HACL1: variants seen among roughly 807,000 people sequenced by gnomAD.
HACL1 encodes the protein 2-hydroxyacyl-CoA lyase 1.
A neutral mutation model predicts 74.2 loss-of-function variants in HACL1; 64 were observed. That is an observed-to-expected ratio of 0.86 (90% CI 0.70 to 1.06). HACL1 has a LOEUF of 1.06. HACL1 is among the 50% of genes least tolerant of loss of function. The pLI is 0.00. For missense variants in HACL1, 728 were observed against 719.7 expected (o/e 1.01, Z -0.13); for synonymous variants, 230 against 238.8 (o/e 0.96, Z 0.34).
intron 14 of HACL1, among the ~76,000 whole-genome samples, chr3:15,566,062 T>C (rs1425432397): frequency 6.6e-6 from 1 of 152,190 alleles, no homozygotes; most frequent in Non-Finnish European, 1.5e-5. Context: ...TCCTTGGATT[T>C]TGGTATTTGA....
chr3:15,576,481 T>C (rs1406094143), intron 9 of HACL1, among the ~76,000 whole-genome samples: 1 of 152,210 alleles, frequency 6.6e-6, no homozygotes, highest in Non-Finnish European at 1.5e-5. Context: ...TCTAATCTTT[T>C]AATGATTTCT....
rs148867538 is a variant in HACL1, at chr3:15,564,476, CA to C, written c.1517+74del. On this transcript the variant is annotated intron_variant, in intron 15 of 16. Transcript: ENST00000321169. ...TCATACCATGTAGGCACATTACTGC[CA>C]ATATAGAAGACTTTTTAAAAAGAGA... 2,523 of 714,602 alleles carry C rather than the reference CA, an allele frequency of 3.5e-3. 47 individuals carry two copies. In the African/African-American group the frequency reaches 0.038, roughly 11 times the overall value. The allele number at this position is 714,602 out of a possible 1,614,324, so 44.3% of individuals were successfully genotyped here.
intron 11 of HACL1, among the ~76,000 whole-genome samples, chr3:15,572,335 G>GA (rs1161633108): frequency 2.6e-5 from 4 of 152,000 alleles, no homozygotes. Context: ...ACACCTGATA[G>GA]AAAATCAATG....
intron 14 of HACL1, among the ~76,000 whole-genome samples, chr3:15,567,206 C>CT (rs34317560): frequency 0.19 from 15,280 of 81,198 alleles, 2,387 homozygotes; most frequent in African/African-American, 0.22. Flanking sequence ...GCCATGCTGC[C>CT]TTTTTTTTTT....
intron 2 of HACL1, among the ~76,000 whole-genome samples, chr3:15,596,846 AT>A (rs1342155154): frequency 6.6e-6 from 1 of 151,802 alleles, no homozygotes; most frequent in Admixed American, 6.6e-5. Flanking sequence ...TTTCTATTTC[AT>A]TGATTTCTGT....
chr3:15,566,367 G>C (rs2063433949), intron 14 of HACL1, among the ~76,000 whole-genome samples: 1 of 152,156 alleles, frequency 6.6e-6, no homozygotes, highest in African/African-American at 2.4e-5. Flanking sequence ...TCAGAATTTA[G>C]CTGGGGCCAA....
chr3:15,563,309 T>C (rs770898235), intron 16 of HACL1, 49 bp downstream of exon 16: 8 of 1,245,612 alleles, frequency 6.4e-6, no homozygotes, highest in Non-Finnish European at 9.4e-6. Flanking sequence ...TGGAGGGGGA[T>C]AGGGGAAGCA....
At chr3:15,571,823 T>G in intron 11 of HACL1, 54 bp from the exon 12 acceptor site, 1 of 435,572 alleles carries the variant, frequency 2.3e-6, no homozygotes, top group Non-Finnish European at 4.0e-6. Context: ...TCTTTGCCTT[T>G]TTTTTCTTTT....
chr3:15,598,937 T>C (rs2064124788), intron 2 of HACL1, among the ~76,000 whole-genome samples: 1 of 152,184 alleles, frequency 6.6e-6, no homozygotes, highest in Non-Finnish European at 1.5e-5. Context: ...CTTCCCTCTA[T>C]ATTCCCAGTC....
intron 12 of HACL1, 43 bp from the exon 13 acceptor site, chr3:15,568,629 A>C: frequency 2.7e-6 from 3 of 1,096,036 alleles, no homozygotes; most frequent in Non-Finnish European, 4.0e-6. Context: ...ATTGGGATAC[A>C]ATGAAAATAA....
At chr3:15,595,387 T>A (rs1267583996) in intron 3 of HACL1, among the ~76,000 whole-genome samples, 2 of 152,272 alleles carry the variant, frequency 1.3e-5, no homozygotes, top group African/African-American at 4.8e-5. Flanking sequence ...ACTTTGAGAA[T>A]CTTATTAGTT....
intron 12 of HACL1, among the ~76,000 whole-genome samples, chr3:15,570,563 T>C (rs1001071349): frequency 6.7e-6 from 1 of 150,232 alleles, no homozygotes; most frequent in Admixed American, 6.6e-5. Context: ...TGAACAAAGA[T>C]ACATATGAAT....
intron 5 of HACL1, among the ~76,000 whole-genome samples, chr3:15,589,180 G>A (rs900475760): frequency 6.6e-6 from 1 of 152,102 alleles, no homozygotes; most frequent in Non-Finnish European, 1.5e-5. Flanking sequence ...TTAATGGTGT[G>A]TATGTATTGT....
At chr3:15,568,334 G>A in intron 13 of HACL1, 98 bp downstream of exon 13, 1 of 775,610 alleles carries the variant, frequency 1.3e-6, no homozygotes, top group South Asian at 1.8e-5. Context: ...TACTAAACAT[G>A]TATTAATTCT....
At chr3:15,562,635 G>C (rs1482069862) in intron 16 of HACL1, among the ~76,000 whole-genome samples, 2 of 152,158 alleles carry the variant, frequency 1.3e-5, no homozygotes, top group Non-Finnish European at 2.9e-5. Context: ...ACGGAAGACA[G>C]GTTATATGAG....
chr3:15,567,373 C>T (rs1024446830), intron 14 of HACL1, among the ~76,000 whole-genome samples: 9 of 150,660 alleles, frequency 6.0e-5, no homozygotes, highest in Admixed American at 1.3e-4. Flanking sequence ...CTGCGTCTGG[C>T]TAATTTTTTT....
At chr3:15,561,707 C>G (rs1346995773) in intron 16 of HACL1, among the ~76,000 whole-genome samples, 1 of 152,088 alleles carries the variant, frequency 6.6e-6, no homozygotes, top group Admixed American at 6.6e-5. Context: ...TTTTGAGAGA[C>G]AGTCTCACTG....
At chr3:15,586,396 C>T in intron 6 of HACL1, 129 bp downstream of exon 6, 1 of 582,894 alleles carries the variant, frequency 1.7e-6, no homozygotes, top group East Asian at 3.2e-5. Flanking sequence ...AGCTTTCTAA[C>T]AATGCCATTT....
chr3:15,591,526 G>C, intron 4 of HACL1, 74 bp downstream of exon 4: 1 of 833,002 alleles, frequency 1.2e-6, no homozygotes, highest in Non-Finnish European at 2.0e-6. Flanking sequence ...CCCTAGATCA[G>C]CATTAGCTCT....
Sources: allele counts gnomAD v4.1 joint callset (sites outside exome capture counted in the v4.1 genomes callset), GRCh38; gene constraint gnomAD v4.1.1; transcripts MANE v1.5; gene names NCBI Gene and HGNC (gene_info 2026-07-23, HGNC 2026-07-21).